The following DNAH12 variants were observed in gnomAD, a reference collection of about 807,000 sequenced individuals.
DNAH12 encodes the protein axonemal beta dynein heavy chain 12.
In DNAH12, 285 loss-of-function variants were observed where a neutral mutation model predicts 371.5. The ratio of observed to expected loss-of-function variants is 0.77; its 90% CI spans 0.70 to 0.85. DNAH12 has a LOEUF of 0.85. DNAH12 is among the 40% of genes least tolerant of loss of function. DNAH12 has a pLI of 0.00. For synonymous variants in DNAH12, 1,200 were observed against 1,213.0 expected, an observed-to-expected ratio of 0.99 and a Z score of 0.22; for missense variants, 3,611 against 3,689.4, an observed-to-expected ratio of 0.98 and a Z score of 0.55.
chr3:57,380,411 A>G (rs2063364526), intron 50 of DNAH12, 44 bp from the exon 51 acceptor site: 1 of 152,210 alleles, frequency 6.6e-6, no homozygotes, highest in Non-Finnish European at 1.5e-5. Flanking sequence ...TGCAACTAAA[A>G]ATGCTAGATG....
chr3:57,487,384 AG>A (rs2066966107), intron 12 of DNAH12, among the ~76,000 whole-genome samples: 2 of 136,376 alleles, frequency 1.5e-5, no homozygotes, highest in East Asian at 2.0e-4. Flanking sequence ...AAAAAAAAAA[AG>A]AAAGAGAAAG....
At chr3:57,495,786 T>A (rs1488104784) in intron 11 of DNAH12, among the ~76,000 whole-genome samples, 1 of 144,142 alleles carries the variant, frequency 6.9e-6, no homozygotes, top group Non-Finnish European at 1.5e-5. Flanking sequence ...TTTTTATATA[T>A]TTATATATTT....
chr3:57,357,293 A>C lies in DNAH12; in HGVS notation c.9416T>G (p.Ile3139Ser), dbSNP rs1262815670. The C allele has an allele frequency of 6.6e-6, 1 of 152,196 alleles. No homozygotes were observed. Among genetic ancestry groups the C allele is most frequent in the Non-Finnish European group, 1.5e-5 (1 of 68,048 alleles). The allele number at this position is 152,196 out of a possible 1,614,324, so 9.4% of individuals were successfully genotyped here. ...IAESREGYRP[I>S]AKHSSVLFFS... ...GAATAACACTGACGAGTGTTTGGCG[A>C]TGGGTCTATAGCCTTCTCGAGACTC... The change falls in exon 59 of 74, where the codon ATC (isoleucine) becomes AGC (serine). Residue 3139 changes from isoleucine to serine, a missense_variant. Coordinates refer to ENST00000495027, the MANE Select transcript of DNAH12 (RefSeq NM_001366028.2).
At chr3:57,416,305 T>C (rs888283513) in intron 37 of DNAH12, among the ~76,000 whole-genome samples, 5 of 152,164 alleles carry the variant, frequency 3.3e-5, no homozygotes, top group African/African-American at 1.2e-4. Context: ...TTGCCCATGC[T>C]GGTCTCAAAC....
intron 60 of DNAH12, among the ~76,000 whole-genome samples, chr3:57,342,938 T>C (rs2062442441): frequency 6.6e-6 from 1 of 151,872 alleles, no homozygotes; most frequent in Non-Finnish European, 1.5e-5. Context: ...CCAAGCATGG[T>C]GGCTTGTGCC....
chr3:57,406,282 T>A (rs1553681197), intron 40 of DNAH12, among the ~76,000 whole-genome samples: 1 of 139,352 alleles, frequency 7.2e-6, no homozygotes, highest in African/African-American at 2.7e-5. Flanking sequence ...ACCCGGGAGG[T>A]GGAGGTAGAC....
At chr3:57,311,791 T>C (rs1272780250) in intron 66 of DNAH12, among the ~76,000 whole-genome samples, 1 of 152,208 alleles carries the variant, frequency 6.6e-6, no homozygotes, top group Non-Finnish European at 1.5e-5. Flanking sequence ...ACAAAGCAAT[T>C]TCAAACTTTA....
At chr3:57,456,057 A>G (rs1026560648) in intron 22 of DNAH12, among the ~76,000 whole-genome samples, 4 of 152,248 alleles carry the variant, frequency 2.6e-5, no homozygotes, top group African/African-American at 7.2e-5. Flanking sequence ...AATGCTTCTT[A>G]GCCATATTTA....
chr3:57,400,082 G>A (rs1378493183), intron 43 of DNAH12, among the ~76,000 whole-genome samples: 2 of 152,192 alleles, frequency 1.3e-5, no homozygotes, highest in African/African-American at 4.8e-5. Flanking sequence ...TGAGCTTAGG[G>A]GTTCAAGACC....
chr3:57,448,229 T>C (rs1210969112), intron 25 of DNAH12, among the ~76,000 whole-genome samples: 8 of 152,174 alleles, frequency 5.3e-5, no homozygotes, highest in Non-Finnish European at 7.3e-5. Context: ...TTCCTTCTGA[T>C]GGTCGGATGT....
intron 22 of DNAH12, 96 bp from the exon 23 acceptor site, chr3:57,454,990 A>G (rs1575625130): frequency 2.4e-5 from 32 of 1,352,014 alleles, no homozygotes; most frequent in Non-Finnish European, 3.1e-5. Flanking sequence ...TGGCACATAC[A>G]TAGGCTAGAA....
intron 34 of DNAH12, chr3:57,428,405 T>C (rs1175392021): frequency 6.8e-7 from 1 of 1,481,242 alleles, no homozygotes; most frequent in Non-Finnish European, 9.0e-7. Flanking sequence ...GTAATTAGAA[T>C]TTTTAAAATT....
At chr3:57,531,848 T>C (rs1463661068) in intron 2 of DNAH12, among the ~76,000 whole-genome samples, 1 of 151,816 alleles carries the variant, frequency 6.6e-6, no homozygotes, top group Non-Finnish European at 1.5e-5. Flanking sequence ...TTCTATAATC[T>C]TCTTGTACTT....
chr3:57,382,966 G>A (rs2153343650), intron 49 of DNAH12, among the ~76,000 whole-genome samples: 1 of 152,352 alleles, frequency 6.6e-6, no homozygotes, highest in Admixed American at 6.5e-5. Context: ...AGTTCTGGGT[G>A]AGAATTAGAT....
intron 40 of DNAH12, among the ~76,000 whole-genome samples, chr3:57,406,380 AAGATTATAC>A (rs2064029671): frequency 6.6e-6 from 1 of 151,932 alleles, no homozygotes; most frequent in Non-Finnish European, 1.5e-5. Flanking sequence ...AAGAAAAAAA[AAGATTATAC>A]TGGCTTGGAA....
chr3:57,428,231 C>CT, intron 34 of DNAH12: 1 of 593,746 alleles, frequency 1.7e-6, no homozygotes, highest in Non-Finnish European at 2.6e-6. Context: ...GTGGCTGTAG[C>CT]TTTAGCCATC....
At position 57,485,280 on chromosome 3, in the gene DNAH12, G is replaced by C. The variant is rs540498381; in HGVS notation, c.1515-1769C>G. On this transcript the variant is annotated intron_variant, in intron 12 of 73. Coordinates refer to ENST00000495027, the MANE Select transcript of DNAH12 (RefSeq NM_001366028.2). ...TTGCAAAGATATGGAACCAACCTAA[G>C]TGCCCATCGACCAATGAGTGGATAA... 8.4e-4 allele frequency among the ~76,000 whole-genome samples: 128 copies of C among 152,290 alleles called. 1 individual carries two copies. Among genetic ancestry groups the C allele is most frequent in the African/African-American group, 2.7e-3 (114 of 41,554 alleles).
intron 2 of DNAH12, among the ~76,000 whole-genome samples, chr3:57,524,225 C>T (rs2068555866): frequency 1.3e-5 from 2 of 152,130 alleles, no homozygotes; most frequent in South Asian, 4.1e-4. Context: ...CCCGTACCCC[C>T]ATATTAAGTA....
At chr3:57,389,796 A>ATG (rs1491522942) in intron 45 of DNAH12, among the ~76,000 whole-genome samples, 8 of 78,810 alleles carry the variant, frequency 1.0e-4, no homozygotes, top group African/African-American at 2.9e-4. Context: ...ATATATACAC[A>ATG]TATGTGTGTG....
Sources: allele counts gnomAD v4.1 joint callset (sites outside exome capture counted in the v4.1 genomes callset), GRCh38; gene constraint gnomAD v4.1.1; transcripts MANE v1.5; gene names NCBI Gene and HGNC (gene_info 2026-07-23, HGNC 2026-07-21).